The following ZNF398 variants were observed in gnomAD, a reference collection of about 807,000 sequenced individuals.
ZNF398 encodes the protein zinc finger DNA binding protein ZER6.
A neutral mutation model predicts 41.9 loss-of-function variants in ZNF398; 18 were observed. The observed-to-expected ratio is 0.43, with a 90% CI of 0.30 to 0.64. The LOEUF (loss-of-function observed/expected upper bound fraction) is 0.64, where lower values mean the gene tolerates loss of function less well. Among genes scored for constraint, ZNF398 ranks in the 30% least tolerant of loss-of-function variants. ZNF398 has a pLI of 0.14. For synonymous variants in ZNF398, 260 were observed against 308.8 expected, an observed-to-expected ratio of 0.84 and a Z score of 1.66; for missense variants, 669 against 822.8, an observed-to-expected ratio of 0.81 and a Z score of 2.29.
intron 4 of ZNF398, among the ~76,000 whole-genome samples, chr7:149,169,484 G>A (rs112264762): frequency 0.024 from 3,577 of 152,170 alleles, 56 homozygotes; most frequent in Admixed American, 0.035. Context: ...CCAGGCTAGA[G>A]TGCAGTGCCA....
chr7:149,143,094 T>C (rs144723593), upstream of ZNF398, among the ~76,000 whole-genome samples: 27 of 152,066 alleles, frequency 1.8e-4, no homozygotes, highest in Admixed American at 5.3e-4. Flanking sequence ...AATGATGTAA[T>C]AGACAATTAC....
intron 2 of ZNF398, among the ~76,000 whole-genome samples, chr7:149,130,979 T>G (rs756985864): frequency 2.0e-5 from 3 of 152,076 alleles, no homozygotes; most frequent in Non-Finnish European, 4.4e-5. Context: ...TCATGATGGG[T>G]GAGGGGTCTG....
chr7:149,156,535 T>C (rs1454088777), intron 2 of ZNF398, among the ~76,000 whole-genome samples: 2 of 144,680 alleles, frequency 1.4e-5, no homozygotes, highest in Non-Finnish European at 3.0e-5. Flanking sequence ...AAAGAGTTAC[T>C]GATGGGAATT....
At chr7:149,148,507 A>G (rs1366049906) in intron 1 of ZNF398, 1 of 985,176 alleles carries the variant, frequency 1.0e-6, no homozygotes, top group African/African-American at 1.7e-5. Flanking sequence ...TAGGAGAGCA[A>G]TTGTACTGGG....
At position 149,179,978 on chromosome 7, in the gene ZNF398, C is replaced by T. The variant is rs1268620933; in HGVS notation, c.*177C>T. On this transcript the variant is annotated 3_prime_UTR_variant, in exon 6 of 6. Transcript: ENST00000475153. The surrounding 1 kb of genome is among the most constrained non-coding windows in gnomAD (Gnocchi z 6.1). ...TGTGTTTTGGAATTTCACACCCTTA[C>T]AAGAATACCACATTTTGAAACCCAG... is the stretch of plus-strand genomic sequence containing the variant. 1.8e-6 allele frequency: 1 copy of T among 558,546 alleles called. No individual in the cohort carries two copies. Among genetic ancestry groups the T allele is most frequent in the Non-Finnish European group, 3.0e-6 (1 of 338,302 alleles). The allele number at this position is 558,546 out of a possible 1,614,324, so 34.6% of individuals were successfully genotyped here. A position where few individuals can be genotyped will look rare whatever the true frequency, so the allele number is the denominator to read the frequency against.
chr7:149,161,808 CA>C (rs36116852), intron 2 of ZNF398, among the ~76,000 whole-genome samples: 25,891 of 116,618 alleles, frequency 0.22, 2,592 homozygotes, highest in African/African-American at 0.33. Context: ...TAATTAACTC[CA>C]AAAAAAAAAA....
At chr7:149,142,422 C>T (rs1826844572) in intron 2 of ZNF398, among the ~76,000 whole-genome samples, 1 of 152,162 alleles carries the variant, frequency 6.6e-6, no homozygotes, top group Admixed American at 6.5e-5. Flanking sequence ...AATCCCAGCA[C>T]TTTGGGAGGC....
intron 2 of ZNF398, among the ~76,000 whole-genome samples, chr7:149,133,654 A>AATAT (rs146151029): frequency 0.032 from 2,318 of 71,628 alleles, 101 homozygotes; most frequent in African/African-American, 0.046. Context: ...GTGTTTTTTA[A>AATAT]ATATATATAT....
chr7:149,146,489 C>T (rs1265658247), upstream of ZNF398, among the ~76,000 whole-genome samples: 3 of 152,196 alleles, frequency 2.0e-5, no homozygotes, highest in Non-Finnish European at 4.4e-5. Context: ...TTTAAGGCTG[C>T]AGTGAGCCTT....
In ZNF398 at chr7:149,162,922, G is replaced by C. The variant is rs373551882; in HGVS notation, c.421-3236G>C. On this transcript the variant is annotated intron_variant, in intron 2 of 5. Transcript: ENST00000475153. ...AGGGGGGCGGCGGAGGTTGCAGTGA[G>C]CTGAGATCGTGCCATTGCACTCCAG... 7.2e-5 allele frequency among the ~76,000 whole-genome samples: 11 copies of C among 152,050 alleles called. 1 individual carries two copies. The South Asian group carries it at 2.3e-3, about 32-fold the overall frequency.
intron 2 of ZNF398, among the ~76,000 whole-genome samples, chr7:149,162,291 C>T (rs1179727978): frequency 6.6e-6 from 1 of 152,178 alleles, no homozygotes; most frequent in Non-Finnish European, 1.5e-5. Context: ...ACGCCATTCT[C>T]CTGCCGCAGC....
At chr7:149,134,772 C>T (rs1016696090) in intron 2 of ZNF398, among the ~76,000 whole-genome samples, 3 of 152,132 alleles carry the variant, frequency 2.0e-5, no homozygotes, top group Non-Finnish European at 4.4e-5. Flanking sequence ...GCTCTGTCGC[C>T]CAGGCGGGAA....
upstream of ZNF398, among the ~76,000 whole-genome samples, chr7:149,144,189 C>T (rs1419895798): frequency 6.6e-6 from 1 of 152,178 alleles, no homozygotes; most frequent in Non-Finnish European, 1.5e-5. Flanking sequence ...AGAGAGGTAG[C>T]CTTGCTTTCT....
intron 5 of ZNF398, among the ~76,000 whole-genome samples, chr7:149,178,423 A>G (rs1384064457): frequency 1.3e-5 from 2 of 152,248 alleles, no homozygotes; most frequent in African/African-American, 4.8e-5. Flanking sequence ...ACTGTACTCC[A>G]TCGTGGGCAA....
intron 2 of ZNF398, among the ~76,000 whole-genome samples, chr7:149,160,241 A>G (rs1480734522): frequency 6.6e-6 from 1 of 152,118 alleles, no homozygotes; most frequent in Admixed American, 6.6e-5. Context: ...GATCGAGACC[A>G]TCCTGGCTGA....
chr7:149,164,432 AAG>A (rs1563162814), intron 2 of ZNF398, among the ~76,000 whole-genome samples: 8 of 152,038 alleles, frequency 5.3e-5, no homozygotes, highest in Non-Finnish European at 1.5e-5. Context: ...AAAATAAAAA[AAG>A]AGAAAGAAAG....
At chr7:149,150,241 G>A (rs1328540984) in intron 1 of ZNF398, among the ~76,000 whole-genome samples, 1 of 152,186 alleles carries the variant, frequency 6.6e-6, no homozygotes, top group African/African-American at 2.4e-5. Flanking sequence ...TCTTCTGAGA[G>A]TGGGGGCTGC....
chr7:149,178,119 G>A (rs1360178218), intron 5 of ZNF398, among the ~76,000 whole-genome samples: 2 of 152,160 alleles, frequency 1.3e-5, no homozygotes. Context: ...GTGAAACCCT[G>A]TCTCTACTAA....
At chr7:149,130,205 C>T (rs570819705) in intron 2 of ZNF398, among the ~76,000 whole-genome samples, 2 of 152,190 alleles carry the variant, frequency 1.3e-5, no homozygotes, top group Admixed American at 6.6e-5. Context: ...AAGCGACTCC[C>T]CCACCTCAGC....
Sources: allele counts gnomAD v4.1 joint callset (sites outside exome capture counted in the v4.1 genomes callset), GRCh38; gene constraint gnomAD v4.1.1; non-coding constraint Gnocchi (gnomAD v3.1); transcripts MANE v1.5; gene names NCBI Gene and HGNC (gene_info 2026-07-23, HGNC 2026-07-21).